Variants in NCOA7 observed in about 807,000 individuals in gnomAD.
NCOA7 encodes the protein nuclear receptor coactivator 7, also known as 140 kDa estrogen receptor-associated protein.
Under a neutral mutation model 104.3 loss-of-function variants are expected in NCOA7, and 45 were observed. That is an observed-to-expected ratio of 0.43 (90% CI 0.34 to 0.55). The LOEUF (loss-of-function observed/expected upper bound fraction) is 0.55, where lower values mean the gene tolerates loss of function less well. NCOA7 is among the 20% of genes least tolerant of loss of function. The probability of loss-of-function intolerance (pLI) is 0.02; values close to 1 mark genes in which losing one functional copy is unlikely to be tolerated. For synonymous variants in NCOA7, 398 were observed against 402.3 expected (o/e 0.99, Z 0.13); for missense variants, 1,041 against 1,119.7 (o/e 0.93, Z 1.00).
chr6:125,789,414 A>G (rs1207508668), upstream of NCOA7, among the ~76,000 whole-genome samples: 1 of 152,226 alleles, frequency 6.6e-6, no homozygotes, highest in Non-Finnish European at 1.5e-5. Context: ...CTGATTTTCA[A>G]TAACCTTAGA....
At chr6:125,847,866 A>C (rs534255061) in intron 2 of NCOA7, among the ~76,000 whole-genome samples, 38 of 152,308 alleles carry the variant, frequency 2.5e-4, no homozygotes, top group Non-Finnish European at 4.4e-4. Flanking sequence ...AGTGAACAGG[A>C]AACCTACAGA....
At chr6:125,811,929 C>G (rs970857707) in intron 1 of NCOA7, among the ~76,000 whole-genome samples, 1 of 152,204 alleles carries the variant, frequency 6.6e-6, no homozygotes, top group Admixed American at 6.5e-5. Flanking sequence ...CAAATGCTTT[C>G]TGGCTCCAAA....
intron 1 of NCOA7, among the ~76,000 whole-genome samples, chr6:125,813,124 A>G (rs1345287884): frequency 2.6e-5 from 4 of 152,144 alleles, no homozygotes; most frequent in Middle Eastern, 3.2e-3. Context: ...GCGCCCTTCC[A>G]TGTACCTTGG....
intron 12 of NCOA7, among the ~76,000 whole-genome samples, chr6:125,921,460 G>A (rs919438483): frequency 2.0e-5 from 3 of 152,002 alleles, no homozygotes; most frequent in African/African-American, 7.2e-5. Context: ...TCTCACTTGG[G>A]CTGAAGGATG....
chr6:125,828,021 C>G (rs902031594), intron 2 of NCOA7, among the ~76,000 whole-genome samples: 2 of 152,154 alleles, frequency 1.3e-5, no homozygotes, highest in Admixed American at 6.5e-5. Flanking sequence ...ACTAAATACA[C>G]AATTGGGTAT....
chr6:125,824,811 T>C (rs1341108188), intron 2 of NCOA7, among the ~76,000 whole-genome samples: 1 of 151,998 alleles, frequency 6.6e-6, no homozygotes, highest in Non-Finnish European at 1.5e-5. Flanking sequence ...CAGGCTGGAG[T>C]GCAGTGGCGT....
At chr6:125,822,954 C>CA (rs1221738703) in intron 2 of NCOA7, among the ~76,000 whole-genome samples, 61 of 137,636 alleles carry the variant, frequency 4.4e-4, no homozygotes, top group South Asian at 2.1e-3. Flanking sequence ...AAAAAAACAA[C>CA]AAAAAAAAAC....
intron 3 of NCOA7, among the ~76,000 whole-genome samples, chr6:125,863,662 T>C (rs371337614): frequency 2.2e-5 from 3 of 138,088 alleles, no homozygotes; most frequent in Admixed American, 1.4e-4. Flanking sequence ...AAATACCATA[T>C]AACTGAGTGG....
At chr6:125,903,858 A>G (rs1244659818) in intron 10 of NCOA7, among the ~76,000 whole-genome samples, 1 of 152,024 alleles carries the variant, frequency 6.6e-6, no homozygotes, top group Non-Finnish European at 1.5e-5. Flanking sequence ...GGTGTGTGCC[A>G]TCATGCCCAA....
Position 125,889,972 on chromosome 6 carries a change from C to G in NCOA7, c.1918C>G (p.Pro640Ala). The change falls in exon 9 of 16, where the codon CCC becomes GCC. Residue 640 changes from proline to alanine, a missense_variant. This residue lies in a region of NCOA7 where 914 missense variants were observed against 942.7 expected (regional missense o/e 0.97). Coordinates refer to ENST00000392477, the MANE Select transcript of NCOA7 (RefSeq NM_181782.5). ...GTGGCTGTTAAAGAGAATTCAGGTACCCATTGAAGGTAAGCTGTTTTTCTT... is the reference window on the plus strand; with the variant it reads ...GTGGCTGTTAAAGAGAATTCAGGTAGCCATTGAAGGTAAGCTGTTTTTCTT... ...QLWLLKRIQV[P>A]IEDILPSKEE... is the part of the protein sequence containing the mutation. 1 of 1,523,780 alleles carries G rather than the reference C, an allele frequency of 6.6e-7. No individual in the cohort carries two copies. Among genetic ancestry groups the G allele is most frequent in the South Asian group, 1.3e-5 (1 of 75,292 alleles). The allele number at this position is 1,523,780 out of a possible 1,614,324, so 94.4% of individuals were successfully genotyped here. A position where few individuals can be genotyped will look rare whatever the true frequency, so the allele number is the denominator to read the frequency against.
intron 13 of NCOA7, among the ~76,000 whole-genome samples, chr6:125,923,241 G>A (rs1351549272): frequency 6.6e-6 from 1 of 152,170 alleles, no homozygotes; most frequent in East Asian, 1.9e-4. Context: ...TTCCCAGGTA[G>A]CCAAAGTAGT....
intron 1 of NCOA7, among the ~76,000 whole-genome samples, chr6:125,801,925 A>G (rs750215911): frequency 4.6e-5 from 7 of 152,334 alleles, no homozygotes; most frequent in Non-Finnish European, 7.3e-5. Context: ...AATTTAACCT[A>G]TAACAGTAAG....
chr6:125,832,455 T>C (rs1779269642), intron 2 of NCOA7, among the ~76,000 whole-genome samples: 1 of 152,230 alleles, frequency 6.6e-6, no homozygotes, highest in Non-Finnish European at 1.5e-5. Flanking sequence ...AGCAGTAAAT[T>C]ATTTTATTAT....
intron 1 of NCOA7, among the ~76,000 whole-genome samples, chr6:125,814,848 A>T (rs770142016): frequency 2.6e-5 from 4 of 152,094 alleles, no homozygotes; most frequent in Admixed American, 6.5e-5. Context: ...AGTTATTTTT[A>T]TTTTTTTAAA....
At chr6:125,879,686 A>G (rs901828196) in intron 5 of NCOA7, among the ~76,000 whole-genome samples, 2 of 152,164 alleles carry the variant, frequency 1.3e-5, no homozygotes, top group Non-Finnish European at 2.9e-5. Context: ...GTTTTATAAC[A>G]TTAAAGGTCA....
At chr6:125,901,981 C>G (rs1219965459) in intron 10 of NCOA7, among the ~76,000 whole-genome samples, 1 of 152,204 alleles carries the variant, frequency 6.6e-6, no homozygotes, top group Admixed American at 6.5e-5. Flanking sequence ...CCAGCTGCCT[C>G]TTTTCCTCTC....
chr6:125,799,219 C>G (rs898813279), intron 1 of NCOA7, among the ~76,000 whole-genome samples: 1 of 152,138 alleles, frequency 6.6e-6, no homozygotes, highest in African/African-American at 2.4e-5. Context: ...TAATCCCACA[C>G]ATACAGGAGA....
chr6:125,854,712 A>G (rs886230901), intron 2 of NCOA7, among the ~76,000 whole-genome samples: 16 of 152,208 alleles, frequency 1.1e-4, no homozygotes, highest in Non-Finnish European at 4.4e-5. Flanking sequence ...TGTGATTTTT[A>G]AAAATACTCA....
At chr6:125,870,978 G>A (rs1336082705) in intron 3 of NCOA7, among the ~76,000 whole-genome samples, 1 of 152,182 alleles carries the variant, frequency 6.6e-6, no homozygotes, top group Non-Finnish European at 1.5e-5. Flanking sequence ...GGTTTGGTCA[G>A]TTTTGTTACA....
Sources: gnomAD v4.1 joint callset for allele counts (sites outside exome capture counted in the v4.1 genomes callset) on GRCh38, gnomAD v4.1.1 for gene constraint, gnomAD v4.1.1 regional missense constraint, MANE v1.5 for transcripts, NCBI Gene and HGNC (gene_info 2026-07-23, HGNC 2026-07-21) for gene names.